Variants in SMYD3 observed in about 807,000 individuals in gnomAD.
SMYD3 encodes SET and MYND domain containing 3.
A neutral mutation model predicts 57.7 loss-of-function variants in SMYD3; 36 were observed. The ratio of observed to expected loss-of-function variants is 0.62; its 90% CI spans 0.48 to 0.82. The LOEUF (loss-of-function observed/expected upper bound fraction) is 0.82. Ranked by LOEUF, SMYD3 falls within the 40% of genes least tolerant of loss-of-function variation. The pLI, the probability that SMYD3 is intolerant of heterozygous loss-of-function variation, is 0.00. For synonymous variants in SMYD3, 211 were observed against 195.0 expected (o/e 1.08, Z -0.68); for missense variants, 515 against 538.8 (o/e 0.96, Z 0.44).
chr1:246,501,318 G>C (rs2068452786), intron 1 of SMYD3, among the ~76,000 whole-genome samples: 1 of 152,166 alleles, frequency 6.6e-6, no homozygotes, highest in African/African-American at 2.4e-5. Flanking sequence ...TTCTGCCTTT[G>C]CTGAAACTAT....
At chr1:245,960,986 A>T (rs1195936903) in intron 5 of SMYD3, among the ~76,000 whole-genome samples, 2 of 151,850 alleles carry the variant, frequency 1.3e-5, no homozygotes, top group East Asian at 1.9e-4. Context: ...GGCAACATTT[A>T]AAAAAAAATC....
At chr1:246,014,398 G>A (rs1449537155) in intron 5 of SMYD3, among the ~76,000 whole-genome samples, 1 of 152,154 alleles carries the variant, frequency 6.6e-6, no homozygotes, top group African/African-American at 2.4e-5. Context: ...TTTCCTGGTG[G>A]TCAGATAATG....
At chr1:246,410,911 G>A (rs1402841314) in intron 1 of SMYD3, among the ~76,000 whole-genome samples, 1 of 152,200 alleles carries the variant, frequency 6.6e-6, no homozygotes, top group African/African-American at 2.4e-5. Context: ...GAGTGTATGT[G>A]TCGAGCAATT....
At chr1:246,358,386 G>C (rs745924224) in intron 1 of SMYD3, among the ~76,000 whole-genome samples, 1 of 152,112 alleles carries the variant, frequency 6.6e-6, no homozygotes, top group East Asian at 1.9e-4. Flanking sequence ...TTATTCCACT[G>C]TCAGCACTAG....
intron 2 of SMYD3, among the ~76,000 whole-genome samples, chr1:246,354,431 T>G (rs1024383614): frequency 6.6e-6 from 1 of 152,206 alleles, no homozygotes; most frequent in Non-Finnish European, 1.5e-5. Flanking sequence ...TTTATCCTAC[T>G]AATAATTTGG....
intron 10 of SMYD3, among the ~76,000 whole-genome samples, chr1:245,809,551 T>A (rs1250740081): frequency 6.6e-6 from 1 of 152,212 alleles, no homozygotes; most frequent in Non-Finnish European, 1.5e-5. Context: ...TGGCAGCTGG[T>A]CATACAGACA....
intron 1 of SMYD3, among the ~76,000 whole-genome samples, chr1:246,494,026 G>T (rs2068317203): frequency 6.6e-6 from 1 of 152,034 alleles, no homozygotes; most frequent in Non-Finnish European, 1.5e-5. Context: ...CTCCTAACTG[G>T]AATCCTCATC....
intron 8 of SMYD3, among the ~76,000 whole-genome samples, chr1:245,897,156 G>T (rs143528232): frequency 6.6e-6 from 1 of 152,170 alleles, no homozygotes; most frequent in Non-Finnish European, 1.5e-5. Flanking sequence ...ACACAGAGAC[G>T]TGAAAAAGAA....
chr1:245,759,534 A>C (rs2045752774), intron 11 of SMYD3, among the ~76,000 whole-genome samples: 1 of 152,242 alleles, frequency 6.6e-6, no homozygotes, highest in South Asian at 2.1e-4. Flanking sequence ...AGAGGTTAAG[A>C]ATCACTGTAG....
chr1:246,373,364 C>T (rs1268191355), intron 1 of SMYD3, among the ~76,000 whole-genome samples: 1 of 152,146 alleles, frequency 6.6e-6, no homozygotes, highest in Non-Finnish European at 1.5e-5. Flanking sequence ...GCTTTAATTA[C>T]AATTTATTCC....
intron 1 of SMYD3, among the ~76,000 whole-genome samples, chr1:246,371,362 T>C (rs1397403028): frequency 2.0e-5 from 3 of 152,142 alleles, no homozygotes; most frequent in Admixed American, 2.0e-4. Context: ...AAAGGAAGTT[T>C]TTTCTAGTAA....
chr1:245,978,676 T>C (rs544692443), intron 5 of SMYD3, among the ~76,000 whole-genome samples: 32 of 152,148 alleles, frequency 2.1e-4, no homozygotes, highest in Non-Finnish European at 4.6e-4. Flanking sequence ...CTGGCCAGTC[T>C]ATTACAGGCC....
At position 246,327,211 on chromosome 1, in the gene SMYD3, G is replaced by A; in HGVS notation, c.521C>T (p.Ala174Val). ...AAACTTAACACTTACTTTTGCAAAGGCTTCAAAAAGGTCAAAGGCAGGTGG... is the reference window on the plus strand; with the variant it reads ...AAACTTAACACTTACTTTTGCAAAGACTTCAAAAAGGTCAAAGGCAGGTGG... ...QLPPAFDLFEAFAKVICNSFT... is the reference protein window; with the variant it reads ...QLPPAFDLFEVFAKVICNSFT... The change falls in exon 5 of 12, where the codon GCC becomes GTC. Residue 174 changes from alanine to valine, a missense_variant. By Grantham distance (64) the Ala-to-Val change is moderately conservative (BLOSUM62 0). Coordinates refer to ENST00000490107, the MANE Select transcript of SMYD3 (RefSeq NM_001167740.2). 1 of 1,614,046 alleles carries A rather than the reference G, an allele frequency of 6.2e-7. No homozygotes were observed. The highest frequency in any genetic ancestry group is 8.5e-7 in the Non-Finnish European group (1 of 1,180,004).
At chr1:246,458,936 A>G (rs946988819) in intron 1 of SMYD3, among the ~76,000 whole-genome samples, 7 of 152,192 alleles carry the variant, frequency 4.6e-5, no homozygotes, top group Non-Finnish European at 1.0e-4. Flanking sequence ...CCCAGTAGGC[A>G]AAACAAAGCT....
intron 2 of SMYD3, among the ~76,000 whole-genome samples, chr1:246,340,920 C>T (rs930761606): frequency 5.9e-5 from 9 of 151,398 alleles, no homozygotes; most frequent in South Asian, 2.1e-4. Flanking sequence ...GATGGGAGGT[C>T]GAGACTACAG....
At position 246,327,234 on chromosome 1, in the gene SMYD3, T is replaced by C. The variant is rs1244803204; in HGVS notation, c.498A>G (p.Pro166=). 8 of 1,614,130 alleles carry C rather than the reference T, an allele frequency of 5.0e-6. No individual in the cohort carries two copies. The highest frequency in any genetic ancestry group is 5.1e-6 in the Non-Finnish European group (6 of 1,180,006). Residue 166 remains proline, a synonymous_variant, in exon 5 of 12, where the codon CCA becomes CCG. Coordinates refer to ENST00000490107, the MANE Select transcript of SMYD3 (RefSeq NM_001167740.2). ...REEIQDASQL[P]PAFDLFEAFA... is the part of the protein sequence containing the mutation. The stretch of plus-strand genomic sequence containing the variant: ...AGGCTTCAAAAAGGTCAAAGGCAGG[T>C]GGCAGCTGAGAGGCATCCTGTATTT...
intron 5 of SMYD3, among the ~76,000 whole-genome samples, chr1:246,090,524 T>C (rs1409509967): frequency 1.4e-5 from 2 of 145,166 alleles, no homozygotes; most frequent in East Asian, 2.0e-4. Flanking sequence ...CTCTCTCTCT[T>C]TTTTTTTTTT....
At chr1:245,789,159 A>T (rs2047167032) in intron 10 of SMYD3, among the ~76,000 whole-genome samples, 1 of 152,184 alleles carries the variant, frequency 6.6e-6, no homozygotes, top group South Asian at 2.1e-4. Context: ...TGTACGTGGC[A>T]CTAGGTTCAG....
At chr1:245,805,995 G>A (rs1306320679) in intron 10 of SMYD3, among the ~76,000 whole-genome samples, 1 of 152,180 alleles carries the variant, frequency 6.6e-6, no homozygotes, top group African/African-American at 2.4e-5. Context: ...CCCATCATCT[G>A]ATCAATTCTG....
Sources: gnomAD v4.1 joint callset for allele counts (sites outside exome capture counted in the v4.1 genomes callset) on GRCh38, gnomAD v4.1.1 for gene constraint, MANE v1.5 for transcripts, NCBI Gene and HGNC (gene_info 2026-07-23, HGNC 2026-07-21) for gene names.